The following SPMAP2L variants were observed in gnomAD, a reference collection of about 807,000 sequenced individuals.
SPMAP2L encodes the protein sperm microtubule associated protein 2-like.
At chr4:56,561,432 C>T in the SPMAP2L span, among the ~76,000 whole-genome samples, 9 of 152,228 alleles carry the variant, frequency 5.9e-5, no homozygotes, top group African/African-American at 1.4e-4. Context: ...AGAAGCATAG[C>T]GCTGGCATCT....
chr4:56,603,866 G>A, the SPMAP2L span, among the ~76,000 whole-genome samples: 2 of 152,116 alleles, frequency 1.3e-5, no homozygotes, highest in Non-Finnish European at 2.9e-5. Flanking sequence ...GAAATTTAGG[G>A]AACAGGTTAC....
the SPMAP2L span, chr4:56,531,126 G>C: frequency 1.3e-6 from 2 of 1,534,860 alleles, no homozygotes; most frequent in African/African-American, 2.7e-5. Context: ...CCCCCTCTCT[G>C]ATCACCAGAG....
At chr4:56,569,710 G>T in the SPMAP2L span, among the ~76,000 whole-genome samples, 1 of 152,228 alleles carries the variant, frequency 6.6e-6, no homozygotes, top group South Asian at 2.1e-4. Flanking sequence ...AGGAGGCTAA[G>T]GTGGGAGGAT....
the SPMAP2L span, among the ~76,000 whole-genome samples, chr4:56,564,522 C>T: frequency 2.6e-5 from 4 of 152,202 alleles, no homozygotes; most frequent in Middle Eastern, 0.01. Context: ...TATCCAACCT[C>T]CTGTGATGAT....
chr4:56,618,332 G>C, the SPMAP2L span, among the ~76,000 whole-genome samples: 1 of 152,190 alleles, frequency 6.6e-6, no homozygotes, highest in Non-Finnish European at 1.5e-5. Flanking sequence ...GGAGGCAGCA[G>C]GCAGAACCAG....
the SPMAP2L span, among the ~76,000 whole-genome samples, chr4:56,617,143 T>A: frequency 6.6e-6 from 1 of 152,178 alleles, no homozygotes; most frequent in Non-Finnish European, 1.5e-5. Flanking sequence ...AGAGTGTACT[T>A]GCGCAAACCT....
the SPMAP2L span, among the ~76,000 whole-genome samples, chr4:56,546,772 C>T: frequency 4.7e-3 from 719 of 152,242 alleles, 8 homozygotes; most frequent in African/African-American, 0.016. Flanking sequence ...TAACCTGTGT[C>T]AGGTCATAAA....
chr4:56,601,621 G>A, the SPMAP2L span, among the ~76,000 whole-genome samples: 1 of 151,918 alleles, frequency 6.6e-6, no homozygotes, highest in Non-Finnish European at 1.5e-5. Context: ...AATTAGCCAG[G>A]TGTGGTGGCA....
At chr4:56,554,127 T>C in the SPMAP2L span, among the ~76,000 whole-genome samples, 1 of 152,210 alleles carries the variant, frequency 6.6e-6, no homozygotes, top group Non-Finnish European at 1.5e-5. Flanking sequence ...TTGCTTCCAA[T>C]ATTTGTCAAT....
chr4:56,543,760 A>G, the SPMAP2L span, among the ~76,000 whole-genome samples: 2 of 152,130 alleles, frequency 1.3e-5, no homozygotes, highest in Admixed American at 6.5e-5. Flanking sequence ...GGATTATGAG[A>G]TTATATTCCC....
the SPMAP2L span, chr4:56,584,489 G>T: frequency 6.6e-7 from 1 of 1,509,308 alleles, no homozygotes; most frequent in African/African-American, 1.4e-5. Flanking sequence ...GTTTCCATTT[G>T]CATATAGACC....
At chr4:56,535,811 C>T in the SPMAP2L span, among the ~76,000 whole-genome samples, 1 of 152,186 alleles carries the variant, frequency 6.6e-6, no homozygotes, top group East Asian at 1.9e-4. Context: ...TCTCAACCCT[C>T]CAGAATGGGT....
the SPMAP2L span, among the ~76,000 whole-genome samples, chr4:56,572,908 T>C: frequency 6.6e-6 from 1 of 150,996 alleles, no homozygotes; most frequent in Non-Finnish European, 1.5e-5. Context: ...TCTAGCTACT[T>C]GGGAAGCTGA....
At chr4:56,571,138 A>C in the SPMAP2L span, among the ~76,000 whole-genome samples, 28 of 151,158 alleles carry the variant, frequency 1.9e-4, no homozygotes, top group African/African-American at 4.6e-4. Context: ...AAAAAAAAAA[A>C]CAAAAAACCT....
At chr4:56,548,849 T>C in the SPMAP2L span, 8 of 1,444,840 alleles carry the variant, frequency 5.5e-6, no homozygotes, top group East Asian at 2.1e-4. Context: ...AGTACTATTT[T>C]CACAGACCTA....
chr4:56,561,391 T>C, the SPMAP2L span, among the ~76,000 whole-genome samples: 1 of 152,216 alleles, frequency 6.6e-6, no homozygotes, highest in Non-Finnish European at 1.5e-5. Context: ...GAGGTTTATT[T>C]AGCTCATGGT....
At chr4:56,547,896 G>A in the SPMAP2L span, among the ~76,000 whole-genome samples, 4 of 152,208 alleles carry the variant, frequency 2.6e-5, no homozygotes, top group South Asian at 8.3e-4. Context: ...CATTTCTTCT[G>A]TTTTGGACAT....
the SPMAP2L span, among the ~76,000 whole-genome samples, chr4:56,569,534 G>A: frequency 1.3e-5 from 2 of 152,132 alleles, no homozygotes; most frequent in African/African-American, 4.8e-5. Flanking sequence ...TGGTGGCTGG[G>A]TGTGGTGGCT....
the SPMAP2L span, among the ~76,000 whole-genome samples, chr4:56,565,542 G>A: frequency 1.3e-5 from 2 of 152,184 alleles, no homozygotes; most frequent in African/African-American, 4.8e-5. Context: ...ATAAGGGAAA[G>A]TAGATGCTCC....
Sources: gnomAD v4.1 joint callset for allele counts (sites outside exome capture counted in the v4.1 genomes callset) on GRCh38, gnomAD v4.1.1 for gene constraint, MANE v1.5 for transcripts, NCBI Gene and HGNC (gene_info 2026-07-23, HGNC 2026-07-21) for gene names.